Variants in TRERF1 observed in about 807,000 individuals in gnomAD.
TRERF1 encodes transcriptional regulating factor 1, also known as transcriptional-regulating factor 1.
In TRERF1, 27 loss-of-function variants were observed where a neutral mutation model predicts 122.9. The ratio of observed to expected loss-of-function variants is 0.22; its 90% confidence interval spans 0.16 to 0.30. TRERF1 has a LOEUF of 0.30. TRERF1 is among the 10% of genes least tolerant of loss of function. The probability of loss-of-function intolerance (pLI) is 1.00; values close to 1 mark genes in which losing one functional copy is unlikely to be tolerated. For synonymous variants in TRERF1, 636 were observed against 641.7 expected (o/e 0.99, Z 0.13); for missense variants, 1,248 against 1,560.3 (o/e 0.80, Z 3.37).
intron 2 of TRERF1, among the ~76,000 whole-genome samples, chr6:42,390,018 G>A (rs1056146357): frequency 2.0e-5 from 3 of 152,236 alleles, no homozygotes; most frequent in East Asian, 1.9e-4. Flanking sequence ...GTTAATATAC[G>A]TGGGCCCTTT....
intron 3 of TRERF1, among the ~76,000 whole-genome samples, chr6:42,331,449 C>T (rs1016815686): frequency 2.0e-5 from 3 of 152,168 alleles, no homozygotes; most frequent in Non-Finnish European, 4.4e-5. Context: ...CCTCCACCTG[C>T]CTGCACTTTG....
intron 2 of TRERF1, among the ~76,000 whole-genome samples, chr6:42,431,586 G>A (rs1784514205): frequency 6.6e-6 from 1 of 152,136 alleles, no homozygotes; most frequent in African/African-American, 2.4e-5. Flanking sequence ...CTTACGCTAA[G>A]TAGAACTGGA....
At chr6:42,236,057 A>T in intron 16 of TRERF1, 148 bp downstream of exon 16, 1 of 1,286,760 alleles carries the variant, frequency 7.8e-7, no homozygotes, top group Non-Finnish European at 1.0e-6. Flanking sequence ...TGGCCAAATG[A>T]AGCAGAAAAC....
chr6:42,433,331 G>T (rs1784772083), intron 2 of TRERF1, among the ~76,000 whole-genome samples: 1 of 151,756 alleles, frequency 6.6e-6, no homozygotes, highest in African/African-American at 2.4e-5. Context: ...AAAGAAATGA[G>T]TCCAATGTTC....
intron 2 of TRERF1, among the ~76,000 whole-genome samples, chr6:42,445,164 G>A (rs1218626865): frequency 6.6e-6 from 1 of 151,824 alleles, no homozygotes; most frequent in East Asian, 1.9e-4. Context: ...AGCTACTCGG[G>A]AGGCTAAGGC....
chr6:42,401,963 T>A (rs553895501), intron 2 of TRERF1, among the ~76,000 whole-genome samples: 2 of 152,198 alleles, frequency 1.3e-5, no homozygotes, highest in Non-Finnish European at 2.9e-5. Context: ...CAGCAGCCGA[T>A]AACGAAGAAA....
In TRERF1 at chr6:42,228,462, G is replaced by A. The variant is rs575821414; in HGVS notation, c.3486C>T (p.Leu1162=). 6.2e-7 allele frequency: 1 copy of A among 1,614,154 alleles called. No individual in the cohort carries two copies. Among genetic ancestry groups the A allele is most frequent in the Non-Finnish European group, 8.5e-7 (1 of 1,180,018 alleles). Residue 1162 remains leucine (L), a synonymous_variant, in exon 18 of 18, where the codon CTC becomes CTT. Transcript: ENST00000372922. This position sits in a 1 kb window ranked among gnomAD's most constrained non-coding sequence, Gnocchi z 4.2. The stretch of plus-strand genomic sequence containing the variant: ...CCAACTGCTGGACGACGTCGTCGTC[G>A]AGGATGTCCACATCCTTGATGGGTT...
intron 3 of TRERF1, among the ~76,000 whole-genome samples, chr6:42,339,742 C>T (rs1342319618): frequency 6.6e-6 from 1 of 152,200 alleles, no homozygotes; most frequent in Non-Finnish European, 1.5e-5. Flanking sequence ...AGTAGCTCTC[C>T]TGAGAACAGA....
At chr6:42,313,352 G>A (rs938546527) in intron 3 of TRERF1, among the ~76,000 whole-genome samples, 1 of 152,200 alleles carries the variant, frequency 6.6e-6, no homozygotes, top group African/African-American at 2.4e-5. Flanking sequence ...AGGAAGCAGA[G>A]GAGGAAAGTG....
chr6:42,233,024 C>T, intron 16 of TRERF1, 96 bp from the exon 17 acceptor site: 2 of 1,343,794 alleles, frequency 1.5e-6, no homozygotes, highest in African/African-American at 1.5e-5. Flanking sequence ...TATAAGCAAA[C>T]TTTGGGCATA....
intron 2 of TRERF1, among the ~76,000 whole-genome samples, chr6:42,372,877 C>T (rs889072343): frequency 1.3e-5 from 2 of 152,134 alleles, no homozygotes; most frequent in Non-Finnish European, 2.9e-5. Context: ...GGAATGAGAC[C>T]CTGAGTCAGG....
chr6:42,418,774 T>G (rs746788987), intron 2 of TRERF1, among the ~76,000 whole-genome samples: 2 of 152,172 alleles, frequency 1.3e-5, no homozygotes, highest in Non-Finnish European at 2.9e-5. Flanking sequence ...AAAAGATTCA[T>G]GCTGGGGGTT....
chr6:42,418,124 C>T (rs1357007933), intron 2 of TRERF1, among the ~76,000 whole-genome samples: 1 of 151,716 alleles, frequency 6.6e-6, no homozygotes, highest in African/African-American at 2.4e-5. Context: ...GTTAAAACTG[C>T]AGATTCTGAT....
chr6:42,401,766 C>T (rs1779421715), intron 2 of TRERF1, among the ~76,000 whole-genome samples: 1 of 152,160 alleles, frequency 6.6e-6, no homozygotes, highest in Non-Finnish European at 1.5e-5. Flanking sequence ...GGAGTCTTGT[C>T]TTTTCAGTTC....
At chr6:42,398,977 C>A (rs1219042664) in intron 2 of TRERF1, among the ~76,000 whole-genome samples, 1 of 152,122 alleles carries the variant, frequency 6.6e-6, no homozygotes, top group East Asian at 1.9e-4. Flanking sequence ...CCAGTGTGTA[C>A]CTCAATCAAT....
intron 3 of TRERF1, among the ~76,000 whole-genome samples, chr6:42,308,663 C>A (rs1251960379): frequency 6.6e-6 from 1 of 152,222 alleles, no homozygotes; most frequent in Non-Finnish European, 1.5e-5. Flanking sequence ...AGGCCACTGT[C>A]CTCAGCAAGC....
chr6:42,227,257 T>C (rs1383254871), exon 18 of TRERF1: 1 of 152,228 alleles, frequency 6.6e-6, no homozygotes, highest in African/African-American at 2.4e-5. Flanking sequence ...GTATTTGCTA[T>C]CGTATGTGTT....
intron 2 of TRERF1, among the ~76,000 whole-genome samples, chr6:42,405,229 C>G (rs1485968484): frequency 6.6e-6 from 1 of 152,146 alleles, no homozygotes; most frequent in Non-Finnish European, 1.5e-5. Context: ...CAGCTGTGTT[C>G]CAGTGAGGTC....
chr6:42,346,808 C>A (rs937526022), intron 3 of TRERF1, among the ~76,000 whole-genome samples: 1 of 152,082 alleles, frequency 6.6e-6, no homozygotes. Flanking sequence ...TGCCTGATAA[C>A]TGGGTACTCT....
Sources: allele counts gnomAD v4.1 joint callset (sites outside exome capture counted in the v4.1 genomes callset), GRCh38; gene constraint gnomAD v4.1.1; non-coding constraint Gnocchi (gnomAD v3.1); transcripts MANE v1.5; gene names NCBI Gene and HGNC (gene_info 2026-07-23, HGNC 2026-07-21).